DTWD2: variants seen among roughly 807,000 people sequenced by gnomAD.
DTWD2 encodes the protein DTW motif tRNA-uridine aminocarboxypropyltransferase 2, also known as tRNA-uridine aminocarboxypropyltransferase 2.
DTWD2 carries 39 observed loss-of-function variants against 31.8 expected under a neutral mutation model. The ratio of observed to expected loss-of-function variants is 1.22; its 90% CI spans 0.95 to 1.60. The LOEUF (loss-of-function observed/expected upper bound fraction) is 1.60, where lower values mean the gene tolerates loss of function less well. DTWD2 is among the 40% of genes most tolerant of loss of function. The probability of loss-of-function intolerance (pLI) is 0.00; values close to 1 mark genes in which losing one functional copy is unlikely to be tolerated. For synonymous variants in DTWD2, 180 were observed against 142.8 expected, an observed-to-expected ratio of 1.26 and a Z score of -1.86; for missense variants, 515 against 381.5, an observed-to-expected ratio of 1.35 and a Z score of -2.92.
chr5:118,836,348 T>G lies in DTWD2; in HGVS notation c.*4569A>C, dbSNP rs908199220. 1.3e-5 allele frequency among the ~76,000 whole-genome samples: 2 copies of G among 152,028 alleles called. No homozygotes were observed. Among genetic ancestry groups the G allele is most frequent in the African/African-American group, 4.8e-5 (2 of 41,404 alleles). On this transcript the variant is annotated 3_prime_UTR_variant, in exon 6 of 6. Transcript: ENST00000510708. ...TCTGCCTCCCAGGTTCAAGCAATTC[T>G]CTGCCTCAGCCTCCTGAGTAGCTGG...
intron 4 of DTWD2, among the ~76,000 whole-genome samples, chr5:118,915,242 T>C (rs565353345): frequency 3.3e-5 from 5 of 151,712 alleles, no homozygotes; most frequent in South Asian, 2.1e-4. Flanking sequence ...TTTCTTAATA[T>C]GGAAAAAAAA....
At chr5:118,937,971 A>ATTT (rs2149583380) in intron 3 of DTWD2, among the ~76,000 whole-genome samples, 1 of 15,576 alleles carries the variant, frequency 6.4e-5, no homozygotes, top group South Asian at 4.7e-3. Flanking sequence ...GAGGTGATAA[A>ATTT]TTTAATTAGC....
intron 4 of DTWD2, among the ~76,000 whole-genome samples, chr5:118,884,223 T>G (rs1466566668): frequency 6.6e-6 from 1 of 152,230 alleles, no homozygotes; most frequent in Non-Finnish European, 1.5e-5. Context: ...CATACATACA[T>G]GTAGTTCCTT....
intron 4 of DTWD2, among the ~76,000 whole-genome samples, 191 bp downstream of exon 4, chr5:118,928,346 T>C (rs1434265227): frequency 1.3e-5 from 2 of 151,974 alleles, no homozygotes; most frequent in East Asian, 1.9e-4. Context: ...AAATTTTATA[T>C]ATATATTCAA....
At chr5:118,925,429 A>C (rs1450061445) in intron 4 of DTWD2, among the ~76,000 whole-genome samples, 2 of 152,258 alleles carry the variant, frequency 1.3e-5, no homozygotes, top group African/African-American at 4.8e-5. Context: ...ACTTATTCAA[A>C]ATAGCGTGGC....
At chr5:118,849,522 C>T (rs1011581557) in intron 4 of DTWD2, among the ~76,000 whole-genome samples, 16 of 152,200 alleles carry the variant, frequency 1.1e-4, no homozygotes, top group African/African-American at 3.9e-4. Context: ...AATCCCATTA[C>T]TGGGTATATA....
At chr5:118,879,890 A>C (rs960071269) in intron 4 of DTWD2, among the ~76,000 whole-genome samples, 2 of 152,146 alleles carry the variant, frequency 1.3e-5, no homozygotes, top group African/African-American at 4.8e-5. Context: ...TAATCTGTAC[A>C]AAGAAACCCC....
intron 1 of DTWD2, chr5:118,973,731 G>A (rs1580449749): frequency 1.9e-6 from 3 of 1,589,366 alleles, no homozygotes; most frequent in African/African-American, 1.3e-5. Context: ...CAGCTTTATC[G>A]CCAGAGTCCC....
intron 1 of DTWD2, among the ~76,000 whole-genome samples, chr5:118,959,913 C>T (rs1754670013): frequency 6.6e-6 from 1 of 152,096 alleles, no homozygotes; most frequent in Non-Finnish European, 1.5e-5. Flanking sequence ...TGAAACTAGA[C>T]CTCTTCCTTA....
intron 4 of DTWD2, among the ~76,000 whole-genome samples, chr5:118,874,736 A>C (rs1477375112): frequency 2.0e-5 from 3 of 152,220 alleles, no homozygotes; most frequent in Non-Finnish European, 1.5e-5. Context: ...TCTATGACTG[A>C]TTGGGGTACC....
chr5:118,967,820 G>A (rs1326613701), intron 1 of DTWD2, among the ~76,000 whole-genome samples: 1 of 152,158 alleles, frequency 6.6e-6, no homozygotes, highest in African/African-American at 2.4e-5. Context: ...CATAATTGTT[G>A]CAGACAAGAT....
At chr5:118,870,698 T>C (rs1752482309) in intron 4 of DTWD2, among the ~76,000 whole-genome samples, 1 of 152,150 alleles carries the variant, frequency 6.6e-6, no homozygotes, top group South Asian at 2.1e-4. Context: ...GAGTGGAGGT[T>C]GCTAAAGGTT....
chr5:118,855,428 T>C (rs535702976), intron 4 of DTWD2, among the ~76,000 whole-genome samples: 7 of 148,384 alleles, frequency 4.7e-5, no homozygotes, highest in African/African-American at 1.6e-4. Flanking sequence ...ATTTTATTTA[T>C]TTTCTTTATT....
intron 1 of DTWD2, among the ~76,000 whole-genome samples, chr5:118,969,684 G>A (rs947833145): frequency 3.3e-5 from 5 of 152,086 alleles, no homozygotes; most frequent in African/African-American, 9.7e-5. Context: ...ACCATTCAAA[G>A]GTCAGCAACC....
At chr5:118,923,980 TGGGAAGAC>T (rs1753758857) in intron 4 of DTWD2, among the ~76,000 whole-genome samples, 2 of 152,214 alleles carry the variant, frequency 1.3e-5, no homozygotes, top group Non-Finnish European at 2.9e-5. Context: ...TCATAATTGC[TGGGAAGAC>T]TGGCTTCTGC....
intron 1 of DTWD2, among the ~76,000 whole-genome samples, chr5:118,960,666 T>G (rs768277513): frequency 9.2e-5 from 14 of 152,066 alleles, no homozygotes; most frequent in Non-Finnish European, 1.3e-4. Flanking sequence ...AGGAAAGACA[T>G]GTAATTAACC....
intron 4 of DTWD2, among the ~76,000 whole-genome samples, chr5:118,876,176 T>C (rs1752617667): frequency 6.6e-6 from 1 of 152,112 alleles, no homozygotes; most frequent in African/African-American, 2.4e-5. Context: ...AGCTACAACA[T>C]ACCAGAACCT....
intron 4 of DTWD2, among the ~76,000 whole-genome samples, chr5:118,893,213 A>G (rs1252503731): frequency 6.6e-6 from 1 of 152,008 alleles, no homozygotes; most frequent in East Asian, 1.9e-4. Context: ...TGTCTCTACT[A>G]AAAATACAAA....
intron 3 of DTWD2, among the ~76,000 whole-genome samples, chr5:118,935,898 T>C (rs1013637413): frequency 9.2e-5 from 14 of 152,216 alleles, no homozygotes; most frequent in Non-Finnish European, 1.8e-4. Flanking sequence ...CTTGACCTAA[T>C]TGATAGTTTG....
Sources: gnomAD v4.1 joint callset for allele counts (sites outside exome capture counted in the v4.1 genomes callset) on GRCh38, gnomAD v4.1.1 for gene constraint, MANE v1.5 for transcripts, NCBI Gene and HGNC (gene_info 2026-07-23, HGNC 2026-07-21) for gene names.